TFDP1: variants seen among roughly 807,000 people sequenced by gnomAD.
TFDP1 encodes the protein transcription factor Dp-1.
TFDP1 carries 6 observed loss-of-function variants against 48.0 expected under a neutral mutation model. The ratio of observed to expected loss-of-function variants is 0.13; its 90% CI spans 0.07 to 0.25. The LOEUF (loss-of-function observed/expected upper bound fraction) is 0.25, where lower values mean the gene tolerates loss of function less well. Ranked by LOEUF, TFDP1 falls within the 10% of genes least tolerant of loss-of-function variation. TFDP1 has a pLI of 1.00. For missense variants in TFDP1, 335 were observed against 543.0 expected, an observed-to-expected ratio of 0.62 and a Z score of 3.81; for synonymous variants, 201 against 211.6, an observed-to-expected ratio of 0.95 and a Z score of 0.44.
chr13:113,596,924 G>T (rs1035235879), intron 2 of TFDP1, among the ~76,000 whole-genome samples: 5 of 152,302 alleles, frequency 3.3e-5, no homozygotes, highest in African/African-American at 1.2e-4. Flanking sequence ...AAGGCTGCGC[G>T]TCCCCTCGCC....
At chr13:113,597,078 C>T (rs923231125) in intron 2 of TFDP1, among the ~76,000 whole-genome samples, 10 of 152,174 alleles carry the variant, frequency 6.6e-5, no homozygotes, top group East Asian at 1.9e-4. Flanking sequence ...CCTGTCTGGC[C>T]GGGGTTGCCG....
intron 2 of TFDP1, among the ~76,000 whole-genome samples, chr13:113,589,534 T>C (rs1369668152): frequency 6.6e-6 from 1 of 152,208 alleles, no homozygotes; most frequent in Non-Finnish European, 1.5e-5. Context: ...ACAGACTCTT[T>C]GAGTTTCTGA....
intron 2 of TFDP1, among the ~76,000 whole-genome samples, chr13:113,603,875 A>G (rs1437020268): frequency 1.3e-5 from 2 of 152,204 alleles, no homozygotes; most frequent in East Asian, 3.8e-4. Flanking sequence ...CACATGTCTT[A>G]AAATTAATAG....
chr13:113,586,720 C>T (rs2048013714), intron 2 of TFDP1, among the ~76,000 whole-genome samples: 1 of 152,160 alleles, frequency 6.6e-6, no homozygotes, highest in African/African-American at 2.4e-5. Context: ...TTCAGTGGTC[C>T]CTGCGAGGCC....
rs904578503 is a variant in TFDP1, at chr13:113,614,967, A to G, written c.79+3905A>G. On this transcript the variant is annotated intron_variant, in intron 3 of 11. Coordinates refer to ENST00000375370, the MANE Select transcript of TFDP1 (RefSeq NM_007111.5). Reference sequence around the variant, plus strand: ...CTCCTCTTTGAGGAGCTCCGCGGCAAGTTCTCGGCTGGCCTTTGGCTGAAT... The same window carrying G: ...CTCCTCTTTGAGGAGCTCCGCGGCAGGTTCTCGGCTGGCCTTTGGCTGAAT... 3.0e-4 allele frequency among the ~76,000 whole-genome samples: 46 copies of G among 152,160 alleles called. 1 individual carries two copies. Among genetic ancestry groups the G allele is most frequent in the Non-Finnish European group, 7.4e-5 (5 of 68,006 alleles).
At position 113,590,656 on chromosome 13, in the gene TFDP1, AT is replaced by A. The variant is rs1222054698; in HGVS notation, c.12+4817del. On this transcript the variant is annotated intron_variant, in intron 2 of 11. Transcript: ENST00000375370. Reference sequence around the variant, plus strand: ...TACAAGAGTCTTTTCATATTTCAGGATTTTTTTTTTCTACATAGGATGAGGT... The same window carrying A: ...TACAAGAGTCTTTTCATATTTCAGGATTTTTTTTTCTACATAGGATGAGGT... Among the ~76,000 whole-genome samples the A allele has an allele frequency of 2.9e-4, 44 of 151,020 alleles. No homozygotes were observed. In the South Asian group the frequency reaches 7.4e-3, roughly 25 times the overall value.
At chr13:113,614,223 T>C (rs536127248) in intron 3 of TFDP1, among the ~76,000 whole-genome samples, 1 of 151,822 alleles carries the variant, frequency 6.6e-6, no homozygotes, top group East Asian at 1.9e-4. Context: ...GTATGATGTG[T>C]GTGCGTGTGT....
intron 3 of TFDP1, among the ~76,000 whole-genome samples, chr13:113,615,378 G>A (rs1394142310): frequency 2.6e-5 from 4 of 152,102 alleles, no homozygotes; most frequent in South Asian, 2.1e-4. Context: ...TTTTCCTCTC[G>A]CTTTGCCTGG....
chr13:113,586,645 G>C (rs1013932567), intron 2 of TFDP1, among the ~76,000 whole-genome samples: 2 of 152,210 alleles, frequency 1.3e-5, no homozygotes, highest in African/African-American at 4.8e-5. Context: ...TGCTGCCTCT[G>C]CCTGAGATAC....
At chr13:113,639,794 A>G (rs551518782) in intron 11 of TFDP1, among the ~76,000 whole-genome samples, 40 of 152,296 alleles carry the variant, frequency 2.6e-4, no homozygotes, top group Non-Finnish European at 4.6e-4. Flanking sequence ...GAGGGATCTA[A>G]TGGTTTTACA....
intron 2 of TFDP1, among the ~76,000 whole-genome samples, chr13:113,605,398 T>C (rs1002840825): frequency 1.3e-5 from 2 of 152,210 alleles, no homozygotes; most frequent in African/African-American, 4.8e-5. Flanking sequence ...GAAAACTCTT[T>C]AACTGCTGTA....
chr13:113,602,214 G>A (rs1232333216), intron 2 of TFDP1, among the ~76,000 whole-genome samples: 2 of 151,766 alleles, frequency 1.3e-5, no homozygotes, highest in African/African-American at 4.8e-5. Flanking sequence ...AGGAGCTGAG[G>A]GAGGAGCGGA....
At position 113,627,928 on chromosome 13, in the gene TFDP1, G is replaced by T. The variant is rs1455457111; in HGVS notation, c.187-3695G>T. Among the ~76,000 whole-genome samples the T allele has an allele frequency of 6.6e-6, 1 of 152,244 alleles. No homozygotes were observed. The highest frequency in any genetic ancestry group is 1.5e-5 in the Non-Finnish European group (1 of 68,036). ...AACACCAAGGCTCACTGTGCAGCCA[G>T]TGAGGAGGGGAGCTCCTGGGGGAGG... On this transcript the variant is annotated intron_variant, in intron 4 of 11. Transcript: ENST00000375370. The surrounding 1 kb of genome is among the most constrained non-coding windows in gnomAD (Gnocchi z 4.1).
At chr13:113,592,185 C>T (rs1000775853) in intron 2 of TFDP1, among the ~76,000 whole-genome samples, 2 of 152,200 alleles carry the variant, frequency 1.3e-5, no homozygotes, top group South Asian at 2.1e-4. Context: ...GACGGAGTTT[C>T]GTTCTTGTTG....
intron 4 of TFDP1, among the ~76,000 whole-genome samples, chr13:113,624,314 C>T (rs2049066805): frequency 6.6e-6 from 1 of 151,990 alleles, no homozygotes; most frequent in African/African-American, 2.4e-5. Flanking sequence ...CTCAGGCATA[C>T]CCAGGTGTCC....
chr13:113,625,388 A>C (rs1316634673), intron 4 of TFDP1, among the ~76,000 whole-genome samples: 1 of 102,516 alleles, frequency 9.8e-6, no homozygotes, highest in African/African-American at 3.8e-5. Context: ...ACGTGTCCTC[A>C]GGCGTCTCAC....
At chr13:113,611,087 CT>C in intron 3 of TFDP1, 25 bp downstream of exon 3, 2 of 1,598,780 alleles carry the variant, frequency 1.3e-6, no homozygotes, top group Non-Finnish European at 1.7e-6. Flanking sequence ...TCTGGACACA[CT>C]CTTGTGTTGA....
At chr13:113,634,425 A>C in intron 7 of TFDP1, 109 bp from the exon 8 acceptor site, 1 of 923,242 alleles carries the variant, frequency 1.1e-6, no homozygotes, top group Non-Finnish European at 1.7e-6. Flanking sequence ...CTTCGATTAC[A>C]TTCTGGGTAA....
rs1302675539 is a variant in TFDP1 at position 113,623,354 on chromosome 13, T to C, written c.186+68T>C. On this transcript the variant is annotated intron_variant, in intron 4 of 11. Transcript: ENST00000375370. This position sits in a 1 kb window ranked among gnomAD's most constrained non-coding sequence, Gnocchi z 5.2. ...GGTCGGGATCGGATGAGCCGTGTGGTTGGGGATGTTCCCAGGTGTGCCTGG... is the reference window on the plus strand; with the variant it reads ...GGTCGGGATCGGATGAGCCGTGTGGCTGGGGATGTTCCCAGGTGTGCCTGG... 1.4e-6 allele frequency: 2 copies of C among 1,446,230 alleles called. No individual in the cohort carries two copies. The highest frequency in any genetic ancestry group is 1.4e-5 in the African/African-American group (1 of 70,934). 89.6% of individuals were successfully genotyped at this position (1,446,230 alleles called of 1,614,324 possible).
Sources: gnomAD v4.1 joint callset for allele counts (sites outside exome capture counted in the v4.1 genomes callset) on GRCh38, gnomAD v4.1.1 for gene constraint, Gnocchi (gnomAD v3.1) non-coding constraint, MANE v1.5 for transcripts, NCBI Gene and HGNC (gene_info 2026-07-23, HGNC 2026-07-21) for gene names.